ZNF407: variants seen among roughly 807,000 people sequenced by gnomAD.
ZNF407 encodes zinc finger protein 407.
ZNF407 carries 17 observed loss-of-function variants against 131.2 expected under a neutral mutation model. The observed-to-expected ratio is 0.13, with a 90% CI of 0.09 to 0.19. The LOEUF (loss-of-function observed/expected upper bound fraction) is 0.19, where lower values mean the gene tolerates loss of function less well. ZNF407 is among the 10% of genes least tolerant of loss of function. The pLI, the probability that ZNF407 is intolerant of heterozygous loss-of-function variation, is 1.00. For missense variants in ZNF407, 2,681 were observed against 2,830.6 expected, an observed-to-expected ratio of 0.95 and a Z score of 1.20; for synonymous variants, 1,156 against 1,062.0, an observed-to-expected ratio of 1.09 and a Z score of -1.72.
At chr18:75,025,363 C>G (rs908318160) in intron 8 of ZNF407, among the ~76,000 whole-genome samples, 1 of 152,224 alleles carries the variant, frequency 6.6e-6, no homozygotes, top group Admixed American at 6.5e-5. Context: ...TTTTCATAAA[C>G]TTTGAACAAT....
At chr18:74,943,760 T>TG (rs1972125671) in intron 8 of ZNF407, among the ~76,000 whole-genome samples, 1 of 152,218 alleles carries the variant, frequency 6.6e-6, no homozygotes. Flanking sequence ...GTTCTCTTGC[T>TG]GTGTACAGTA....
chr18:74,976,307 T>G (rs1311584272), intron 8 of ZNF407, among the ~76,000 whole-genome samples: 1 of 152,228 alleles, frequency 6.6e-6, no homozygotes, highest in Non-Finnish European at 1.5e-5. Context: ...GATGAGTTTA[T>G]GAGTGTTTAC....
At chr18:74,849,462 A>T (rs1254015624) in intron 4 of ZNF407, among the ~76,000 whole-genome samples, 1 of 152,058 alleles carries the variant, frequency 6.6e-6, no homozygotes, top group East Asian at 1.9e-4. Flanking sequence ...TTGAGGTGTA[A>T]ATGAGACCAC....
chr18:74,758,310 G>A (rs1420566419), intron 3 of ZNF407, among the ~76,000 whole-genome samples: 7 of 151,950 alleles, frequency 4.6e-5, no homozygotes, highest in East Asian at 1.9e-4. Flanking sequence ...ACACATGTAT[G>A]TATATGTATG....
At chr18:74,670,364 A>G (rs1452861234) in intron 3 of ZNF407, among the ~76,000 whole-genome samples, 1 of 152,232 alleles carries the variant, frequency 6.6e-6, no homozygotes, top group Admixed American at 6.5e-5. Context: ...TAAGAGCACA[A>G]AATTGGATGT....
In ZNF407 at chr18:74,703,158, G is replaced by A. The variant is rs1221109971; in HGVS notation, c.4802+62036G>A. ...GGTGACTCAGCAGAGAGGCGAGGTG[G>A]TGTGAGAGCTACAAGTGACTGCTGC... On this transcript the variant is annotated intron_variant, in intron 3 of 8. Transcript: ENST00000299687. This position sits in a 1 kb window ranked among gnomAD's most constrained non-coding sequence, Gnocchi z 4.1. Among the ~76,000 whole-genome samples the A allele has an allele frequency of 1.3e-5, 2 of 152,242 alleles. No homozygotes were observed. The highest frequency in any genetic ancestry group is 2.4e-5 in the African/African-American group (1 of 41,460).
intron 8 of ZNF407, among the ~76,000 whole-genome samples, chr18:75,023,013 G>A (rs1173343053): frequency 6.6e-6 from 1 of 152,138 alleles, no homozygotes; most frequent in East Asian, 1.9e-4. Flanking sequence ...AAACGAACGA[G>A]ATCATGTCCT....
chr18:74,935,370 T>C lies in ZNF407; in HGVS notation c.5428+14678T>C, dbSNP rs560555359. Among the ~76,000 whole-genome samples, 4 of 152,346 alleles carry C rather than the reference T, an allele frequency of 2.6e-5. No homozygotes were observed. In the East Asian group the frequency reaches 7.7e-4, roughly 29 times the overall value. On this transcript the variant is annotated intron_variant, in intron 8 of 8. Coordinates refer to ENST00000299687, the MANE Select transcript of ZNF407 (RefSeq NM_017757.3). Reference sequence around the variant, plus strand: ...TCTATTGACATTTTCTTAGAGCATCTGGTCAACACTGAAATGTGGTACTTC... The same window carrying C: ...TCTATTGACATTTTCTTAGAGCATCCGGTCAACACTGAAATGTGGTACTTC...
chr18:74,794,510 A>G (rs971611064), intron 4 of ZNF407, among the ~76,000 whole-genome samples: 10 of 151,948 alleles, frequency 6.6e-5, no homozygotes, highest in African/African-American at 2.4e-4. Flanking sequence ...TTCCTTGCAA[A>G]TATCATTGGC....
chr18:74,728,212 C>T (rs370842977), intron 3 of ZNF407, among the ~76,000 whole-genome samples: 16 of 152,124 alleles, frequency 1.1e-4, no homozygotes, highest in East Asian at 5.8e-4. Flanking sequence ...AAGAAACTGC[C>T]GAATTTGACA....
In ZNF407 at chr18:74,633,044, G is replaced by A. The variant is rs1300500100; in HGVS notation, c.2025G>A (p.Met675Ile). 1 of 1,613,724 alleles carries A rather than the reference G, an allele frequency of 6.2e-7. No homozygotes were observed. Among genetic ancestry groups the A allele is most frequent in the South Asian group, 1.1e-5 (1 of 91,082 alleles). ...AATCAGAAAACGCAAAAGAGTCTAT[G>A]GATGACTCAGGAAAAGCATCTCAGG... ...TLESENAKES[M>I]DDSGKASQEE... Residue 675 changes from methionine (M) to isoleucine (I), a missense_variant, in exon 2 of 9, where the codon ATG (methionine) becomes ATA (isoleucine). Physicochemically the swap from Met to Ile is conservative, Grantham distance 10. Around this residue, in one of 6 missense-constraint regions of ZNF407, gnomAD observed 1,789 missense variants for 1,748.7 expected, o/e 1.02. Transcript: ENST00000299687.
intron 4 of ZNF407, 51 bp from the exon 5 acceptor site, chr18:74,877,146 G>A (rs1044895890): frequency 3.2e-6 from 5 of 1,566,708 alleles, no homozygotes; most frequent in African/African-American, 1.4e-5. Flanking sequence ...TGGGGCCTTC[G>A]GTGCTGGTGT....
intron 3 of ZNF407, among the ~76,000 whole-genome samples, chr18:74,687,861 T>C (rs1434159292): frequency 6.6e-6 from 1 of 152,176 alleles, no homozygotes; most frequent in Admixed American, 6.5e-5. Flanking sequence ...AAAATGATTT[T>C]TTTACCTTAT....
intron 4 of ZNF407, among the ~76,000 whole-genome samples, chr18:74,795,414 CT>C (rs1271733885): frequency 6.7e-6 from 1 of 149,718 alleles, no homozygotes. Context: ...ATTTGAGAAA[CT>C]TTATTCAAGC....
chr18:74,754,551 T>G (rs1263138910), intron 3 of ZNF407, among the ~76,000 whole-genome samples: 3 of 152,222 alleles, frequency 2.0e-5, no homozygotes, highest in Non-Finnish European at 4.4e-5. Flanking sequence ...ACATTGTGTC[T>G]TTGTTCTCAT....
At chr18:74,629,952 T>G (rs907689191) in intron 1 of ZNF407, among the ~76,000 whole-genome samples, 1 of 152,196 alleles carries the variant, frequency 6.6e-6, no homozygotes, top group Admixed American at 6.5e-5. Context: ...CCACTGACAT[T>G]TCCCTTTGCC....
Position 74,776,509 on chromosome 18 carries a change from G to T in ZNF407, c.4803-4919G>T, listed in dbSNP as rs994798694. Among the ~76,000 whole-genome samples the T allele has an allele frequency of 1.8e-4, 27 of 152,132 alleles. 1 individual carries two copies. Among genetic ancestry groups the T allele is most frequent in the Non-Finnish European group, 2.9e-5 (2 of 68,022 alleles). On this transcript the variant is annotated intron_variant, in intron 3 of 8. Transcript: ENST00000299687. ...TCTTTCCATTTCACCGTGCTAATCAGCACACACATGACTGAGAAGTCTACA... is the reference window on the plus strand; with the variant it reads ...TCTTTCCATTTCACCGTGCTAATCATCACACACATGACTGAGAAGTCTACA...
chr18:74,768,504 G>C (rs1188960353), intron 3 of ZNF407, among the ~76,000 whole-genome samples: 1 of 152,108 alleles, frequency 6.6e-6, no homozygotes, highest in Non-Finnish European at 1.5e-5. Flanking sequence ...ATGTGTTTTA[G>C]CTCCTGCACA....
At chr18:74,809,269 C>A (rs1036183369) in intron 4 of ZNF407, among the ~76,000 whole-genome samples, 2 of 152,170 alleles carry the variant, frequency 1.3e-5, no homozygotes, top group East Asian at 1.9e-4. Flanking sequence ...GATAATTGTT[C>A]GGGATTCACA....
Sources: allele counts gnomAD v4.1 joint callset (sites outside exome capture counted in the v4.1 genomes callset), GRCh38; gene constraint gnomAD v4.1.1; regional missense constraint gnomAD v4.1.1; non-coding constraint Gnocchi (gnomAD v3.1); transcripts MANE v1.5; gene names NCBI Gene and HGNC (gene_info 2026-07-23, HGNC 2026-07-21).